Variants in SH3PXD2A observed in about 807,000 individuals in gnomAD.
The protein encoded by SH3PXD2A is SH3 and PX domain-containing protein 2A.
A neutral mutation model predicts 115.2 loss-of-function variants in SH3PXD2A; 32 were observed. That is an observed-to-expected ratio of 0.28 (90% CI 0.21 to 0.37). The LOEUF is 0.37. SH3PXD2A is among the 10% of genes least tolerant of loss of function. The probability of loss-of-function intolerance (pLI) is 1.00; values close to 1 mark genes in which losing one functional copy is unlikely to be tolerated. For missense variants in SH3PXD2A, 1,328 were observed against 1,498.7 expected (o/e 0.89, Z 1.88); for synonymous variants, 610 against 629.1 (o/e 0.97, Z 0.45).
chr10:103,658,012 C>T (rs906265931), intron 8 of SH3PXD2A, among the ~76,000 whole-genome samples: 4 of 152,218 alleles, frequency 2.6e-5, no homozygotes, highest in African/African-American at 9.6e-5. Context: ...AGCCTCTTAG[C>T]CTATTACTTC....
At chr10:103,772,195 T>A (rs191023926) in intron 2 of SH3PXD2A, among the ~76,000 whole-genome samples, 2,059 of 152,242 alleles carry the variant, frequency 0.014, 59 homozygotes, top group African/African-American at 0.047. Context: ...CGGCGGGCGG[T>A]GAGAGACAGT....
intron 2 of SH3PXD2A, 64 bp from the exon 3 acceptor site, chr10:103,767,233 C>T: frequency 8.1e-7 from 1 of 1,242,028 alleles, no homozygotes. Flanking sequence ...ATCATCCCTT[C>T]CCCACTCACT....
intron 9 of SH3PXD2A, among the ~76,000 whole-genome samples, chr10:103,625,284 C>T (rs1201950194): frequency 6.6e-6 from 1 of 152,266 alleles, no homozygotes; most frequent in Non-Finnish European, 1.5e-5. Context: ...CTCTGACCTT[C>T]CTGGTGCAGC....
rs111388163 is a variant in SH3PXD2A at position 103,732,885 on chromosome 10, C to A, written c.306+2847G>T. ...CACACGGCACTGTGCTGGCTGGGGT[C>A]GGCCGGTGATGCTGAGTGGTCTGTC... On this transcript the variant is annotated intron_variant, in intron 4 of 14. Coordinates refer to ENST00000369774, the MANE Select transcript of SH3PXD2A (RefSeq NM_001394015.1). Among the ~76,000 whole-genome samples the A allele has an allele frequency of 5.7e-3, 875 of 152,274 alleles. 16 individuals carry two copies. Among genetic ancestry groups the A allele is most frequent in the African/African-American group, 0.02 (823 of 41,552 alleles).
chr10:103,853,762 A>C (rs1019283314), intron 1 of SH3PXD2A, among the ~76,000 whole-genome samples: 53 of 152,248 alleles, frequency 3.5e-4, no homozygotes, highest in African/African-American at 1.3e-3. Flanking sequence ...TGCCAAGCTC[A>C]GCTGAGGACT....
chr10:103,843,653 G>GGTCA (rs767665146), intron 1 of SH3PXD2A, among the ~76,000 whole-genome samples: 1 of 152,158 alleles, frequency 6.6e-6, no homozygotes, highest in Non-Finnish European at 1.5e-5. Context: ...TCAGAGGGAG[G>GGTCA]GTCACATGGG....
At chr10:103,628,646 C>CCGGTCAG (rs747344138) in intron 8 of SH3PXD2A, among the ~76,000 whole-genome samples, 6 of 152,098 alleles carry the variant, frequency 3.9e-5, no homozygotes, top group Non-Finnish European at 7.4e-5. Context: ...CGGAGAACCC[C>CCGGTCAG]CGGTCAGGCC....
chr10:103,674,862 C>T (rs2037511797), intron 6 of SH3PXD2A, among the ~76,000 whole-genome samples: 2 of 151,852 alleles, frequency 1.3e-5, no homozygotes, highest in Non-Finnish European at 2.9e-5. Flanking sequence ...CAAAATAAAA[C>T]AAAACAAAAA....
rs951757788 is a variant in SH3PXD2A, at chr10:103,596,986, G to A, written c.*4830C>T. ...AGAGCTCTGAGGCTCCAACCCAGAG[G>A]AAACTTCCCATTCTGTTGCTTTCTC... On this transcript the variant is annotated 3_prime_UTR_variant, in exon 15 of 15. Transcript: ENST00000369774. The A allele has an allele frequency of 1.7e-4, 26 of 152,626 alleles. No individual in the cohort carries two copies. Among genetic ancestry groups the A allele is most frequent in the African/African-American group, 6.0e-4 (25 of 41,426 alleles). 9.5% of individuals were successfully genotyped at this position (152,626 alleles called of 1,614,324 possible). A position where few individuals can be genotyped will look rare whatever the true frequency, so the allele number is the denominator to read the frequency against.
chr10:103,641,223 A>G (rs1046219471), intron 8 of SH3PXD2A, among the ~76,000 whole-genome samples: 1 of 152,188 alleles, frequency 6.6e-6, no homozygotes, highest in African/African-American at 2.4e-5. Context: ...TTTGGAGCAA[A>G]TGGAAGGGCA....
At chr10:103,805,329 C>T (rs1375837285) in intron 1 of SH3PXD2A, among the ~76,000 whole-genome samples, 1 of 152,208 alleles carries the variant, frequency 6.6e-6, no homozygotes, top group Admixed American at 6.5e-5. Context: ...GAGTTAGCCA[C>T]ATGTGGGTGC....
At chr10:103,790,493 T>C (rs1416053473) in intron 2 of SH3PXD2A, among the ~76,000 whole-genome samples, 2 of 152,096 alleles carry the variant, frequency 1.3e-5, no homozygotes, top group East Asian at 1.9e-4. Flanking sequence ...GGAACTCAGA[T>C]TGGAGTGAGC....
chr10:103,681,618 C>T (rs2037609132), intron 6 of SH3PXD2A, among the ~76,000 whole-genome samples: 3 of 152,150 alleles, frequency 2.0e-5, no homozygotes, highest in African/African-American at 7.2e-5. Flanking sequence ...GTGGAGGGTA[C>T]CTGTAGTCCC....
At chr10:103,712,079 C>T (rs1449462921) in intron 5 of SH3PXD2A, among the ~76,000 whole-genome samples, 3 of 151,768 alleles carry the variant, frequency 2.0e-5, no homozygotes, top group Non-Finnish European at 2.9e-5. Context: ...AGAAAATAAC[C>T]CCAAAACCTC....
At chr10:103,835,155 C>A (rs925746193) in intron 1 of SH3PXD2A, among the ~76,000 whole-genome samples, 1 of 152,188 alleles carries the variant, frequency 6.6e-6, no homozygotes, top group African/African-American at 2.4e-5. Flanking sequence ...GGCTAGGTAC[C>A]AGGAAGCCCT....
At chr10:103,854,572 C>A (rs1564905244) in intron 1 of SH3PXD2A, among the ~76,000 whole-genome samples, 2 of 152,122 alleles carry the variant, frequency 1.3e-5, no homozygotes, top group Non-Finnish European at 2.9e-5. Flanking sequence ...GGAAATGAAC[C>A]CGGTTAAGGG....
rs775793318 is a variant in SH3PXD2A, at chr10:103,735,778, C to T, written c.260G>A (p.Arg87Gln). ...CTTCAGTCTCTTCACAGCTACGTCCCGGATGTGGCTTCTGCGGAAGAGGAT... is the reference window on the plus strand; with the variant it reads ...CTTCAGTCTCTTCACAGCTACGTCCTGGATGTGGCTTCTGCGGAAGAGGAT... ...GKILFRRSHI[R>Q]DVAVKRLKPI... Residue 87 changes from arginine to glutamine, a missense_variant, in exon 4 of 15, where the codon CGG becomes CAG. By Grantham distance (43) the Arg-to-Gln change is conservative. Around this residue, in one of 5 missense-constraint regions of SH3PXD2A, gnomAD observed 110 missense variants for 160.0 expected, o/e 0.69. Coordinates refer to ENST00000369774, the MANE Select transcript of SH3PXD2A (RefSeq NM_001394015.1). 9 of 1,613,934 alleles carry T rather than the reference C, an allele frequency of 5.6e-6. No individual in the cohort carries two copies. The highest frequency in any genetic ancestry group is 2.2e-5 in the East Asian group (1 of 44,884).
chr10:103,661,892 G>A, intron 7 of SH3PXD2A: 1 of 985,254 alleles, frequency 1.0e-6, no homozygotes, highest in Non-Finnish European at 1.2e-6. Context: ...GCCAGCGGCT[G>A]GCGAGCCCAG....
intron 6 of SH3PXD2A, among the ~76,000 whole-genome samples, chr10:103,687,799 G>A (rs144157237): frequency 2.6e-4 from 39 of 152,218 alleles, no homozygotes; most frequent in African/African-American, 8.9e-4. Context: ...CCTCCCCACT[G>A]CCAGCTACAT....
Sources: allele counts gnomAD v4.1 joint callset (sites outside exome capture counted in the v4.1 genomes callset), GRCh38; gene constraint gnomAD v4.1.1; regional missense constraint gnomAD v4.1.1; transcripts MANE v1.5; gene names NCBI Gene and HGNC (gene_info 2026-07-23, HGNC 2026-07-21).